CHMP1B: variants seen among roughly 807,000 people sequenced by gnomAD.
The protein encoded by CHMP1B is VPS46 homolog B.
CHMP1B carries 5 observed loss-of-function variants against 11.5 expected under a neutral mutation model. The ratio of observed to expected loss-of-function variants is 0.43; its 90% CI spans 0.23 to 0.91. The LOEUF (loss-of-function observed/expected upper bound fraction) is 0.91. Ranked by LOEUF, CHMP1B falls within the 40% of genes least tolerant of loss-of-function variation. The pLI is 0.25. For missense variants in CHMP1B, 246 were observed against 261.2 expected, an observed-to-expected ratio of 0.94 and a Z score of 0.40; for synonymous variants, 105 against 105.7, an observed-to-expected ratio of 0.99 and a Z score of 0.04.
In CHMP1B at chr18:11,851,586, C is replaced by T. The variant is rs749131244; in HGVS notation, c.75C>T (p.Cys25=). The change falls in exon 1 of 1, where the codon TGC becomes TGT. Residue 25 remains cysteine, a synonymous_variant. Transcript: ENST00000526991. The stretch of plus-strand genomic sequence containing the variant: ...AACTGAGTAGGAGTGCCAAAAAATG[C>T]GATAAGGAGGAAAAGGCCGAAAAGG... ...AKELSRSAKK[C]DKEEKAEKAK... is the part of the protein sequence containing the mutation. 1.2e-6 allele frequency: 2 copies of T among 1,612,582 alleles called. No individual in the cohort carries two copies. Among genetic ancestry groups the T allele is most frequent in the Non-Finnish European group, 1.7e-6 (2 of 1,179,406 alleles).
rs542645541 is a variant in CHMP1B, at chr18:11,853,411, T to C, written c.*1300T>C. The C allele has an allele frequency of 4.2e-5, 7 of 167,232 alleles. No individual in the cohort carries two copies. The highest frequency in any genetic ancestry group is 1.7e-4 in the African/African-American group (7 of 41,598). 10.4% of individuals were successfully genotyped at this position (167,232 alleles called of 1,614,324 possible). A position where few individuals can be genotyped will look rare whatever the true frequency, so the allele number is the denominator to read the frequency against. ...ACCGCTTTCTCATAGCCTCGAAACA[T>C]GGAGAAAAGCAACTTGCTTTTGCCT... On this transcript the variant is annotated 3_prime_UTR_variant, in exon 1 of 1. Coordinates refer to ENST00000526991, the MANE Select transcript of CHMP1B (RefSeq NM_020412.5).
chr18:11,851,507 C>G lies in CHMP1B; in HGVS notation c.-5C>G, dbSNP rs764172318. 6.4e-7 allele frequency: 1 copy of G among 1,555,822 alleles called. No homozygotes were observed. The highest frequency in any genetic ancestry group is 8.7e-7 in the Non-Finnish European group (1 of 1,154,702). On this transcript the variant is annotated 5_prime_UTR_variant, in exon 1 of 1. Transcript: ENST00000526991. ...GGGCCGCCGACCCAAAGGAGCCGTCCGACTATGTCTAACATGGAGAAACAC... is the reference window on the plus strand; with the variant it reads ...GGGCCGCCGACCCAAAGGAGCCGTCGGACTATGTCTAACATGGAGAAACAC...
rs568091493 is a variant in CHMP1B at position 11,851,742 on chromosome 18, C to T, written c.231C>T (p.Ala77=). 1.5e-5 allele frequency: 24 copies of T among 1,613,984 alleles called. No individual in the cohort carries two copies. The South Asian group carries it at 2.3e-4, about 16-fold the overall frequency. The change falls in exon 1 of 1, where the codon GCC becomes GCT. Residue 77 remains alanine (A), a synonymous_variant. Transcript: ENST00000526991. ...GTGCGCGAGTCGATGCAGTGGCTGC[C>T]AGGGTCCAGACGGCGGTGACGATGG... ...RMSARVDAVA[A]RVQTAVTMGK...
rs752990960 is a variant in CHMP1B, at chr18:11,852,102, T to C, written c.591T>C (p.Asp197=). 15 of 1,599,990 alleles carry C rather than the reference T, an allele frequency of 9.4e-6. No individual in the cohort carries two copies. In the East Asian group the frequency reaches 3.2e-4, roughly 34 times the overall value. The change falls in exon 1 of 1, where the codon GAT becomes GAC. Residue 197 remains aspartate (D), a synonymous_variant. Transcript: ENST00000526991. The stretch of plus-strand genomic sequence containing the variant: ...CTCAGAGACTGGCCCGCCTTCGGGA[T>C]CAAGTGTGACGGCAGAACCCGCTCT... ...ELSQRLARLR[D]QV is the part of the protein sequence containing the mutation.
At position 11,853,632 on chromosome 18, in the gene CHMP1B, AGT is replaced by A. The variant is rs2035934220; in HGVS notation, c.*1524_*1525del. On this transcript the variant is annotated 3_prime_UTR_variant, in exon 1 of 1. Coordinates refer to ENST00000526991, the MANE Select transcript of CHMP1B (RefSeq NM_020412.5). ...AGTGTAAATGAGTAAGGAAAAAAAA[AGT>A]GTAACAGGTGCGTGCAGATGAGGAG... 1 of 167,092 alleles carries A rather than the reference AGT, an allele frequency of 6.0e-6. No homozygotes were observed. The highest frequency in any genetic ancestry group is 2.1e-4 in the South Asian group (1 of 4,836). 10.4% of individuals were successfully genotyped at this position (167,092 alleles called of 1,614,324 possible).
At position 11,854,281 on chromosome 18, in the gene CHMP1B, T is replaced by A. The variant is rs1246134122; in HGVS notation, c.*2170T>A. On this transcript the variant is annotated 3_prime_UTR_variant, in exon 1 of 1. Coordinates refer to ENST00000526991, the MANE Select transcript of CHMP1B (RefSeq NM_020412.5). ...ACAATGCTTGTATATGCTTGAACTT[T>A]CTTAAAATATGTCCATGTCATACTA... The A allele has an allele frequency of 6.0e-6, 1 of 167,168 alleles. No individual in the cohort carries two copies. The highest frequency in any genetic ancestry group is 2.4e-5 in the African/African-American group (1 of 41,482). 10.4% of individuals were successfully genotyped at this position (167,168 alleles called of 1,614,324 possible).
rs1374126927 is a variant in CHMP1B, at chr18:11,851,625, G to T, written c.114G>T (p.Lys38Asn). 6.2e-7 allele frequency: 1 copy of T among 1,613,964 alleles called. No individual in the cohort carries two copies. Among genetic ancestry groups the T allele is most frequent in the Admixed American group, 1.7e-5 (1 of 60,010 alleles). ...AGGCCGAAAAGGCCAAAATTAAAAA[G>T]GCCATTCAGAAGGGCAACATGGAAG... ...EEKAEKAKIKKAIQKGNMEVA... is the reference protein window; with the variant it reads ...EEKAEKAKIKNAIQKGNMEVA... Residue 38 changes from lysine (K) to asparagine (N), a missense_variant, in exon 1 of 1, where the codon AAG becomes AAT. Physicochemically the swap from Lys to Asn is moderately conservative, Grantham distance 94 (BLOSUM62 0). Transcript: ENST00000526991.
Position 11,852,137 on chromosome 18 carries a change from T to C in CHMP1B, c.*26T>C. 1.9e-6 allele frequency: 3 copies of C among 1,548,624 alleles called. No homozygotes were observed. Among genetic ancestry groups the C allele is most frequent in the Non-Finnish European group, 2.6e-6 (3 of 1,146,162 alleles). On this transcript the variant is annotated 3_prime_UTR_variant, in exon 1 of 1. Coordinates refer to ENST00000526991, the MANE Select transcript of CHMP1B (RefSeq NM_020412.5). ...CGGCAGAACCCGCTCTGAGGTTTCC[T>C]GGCCATAGCCACCCTTTGAAATGCT...
In CHMP1B at chr18:11,851,625, G is replaced by A; in HGVS notation, c.114G>A (p.Lys38=). ...AGGCCGAAAAGGCCAAAATTAAAAA[G>A]GCCATTCAGAAGGGCAACATGGAAG... is the stretch of plus-strand genomic sequence containing the variant. ...EEKAEKAKIK[K]AIQKGNMEVA... is the part of the protein sequence containing the mutation. The change falls in exon 1 of 1, where the codon AAG becomes AAA. Residue 38 remains lysine (K), a synonymous_variant. Coordinates refer to ENST00000526991, the MANE Select transcript of CHMP1B (RefSeq NM_020412.5). 6.2e-7 allele frequency: 1 copy of A among 1,613,964 alleles called. No homozygotes were observed. Among genetic ancestry groups the A allele is most frequent in the Non-Finnish European group, 8.5e-7 (1 of 1,179,862 alleles).
chr18:11,852,271 T>A lies in CHMP1B; in HGVS notation c.*160T>A. The A allele has an allele frequency of 2.4e-6, 2 of 839,164 alleles. No homozygotes were observed. The highest frequency in any genetic ancestry group is 3.7e-6 in the Non-Finnish European group (2 of 546,484). 52.0% of individuals were successfully genotyped at this position (839,164 alleles called of 1,614,324 possible). On this transcript the variant is annotated 3_prime_UTR_variant, in exon 1 of 1. Coordinates refer to ENST00000526991, the MANE Select transcript of CHMP1B (RefSeq NM_020412.5). ...GCCCCCTCCACATAAATTAAGAAAT[T>A]CAGTATTTCTGCACTCTTAGCTGGA... is the stretch of plus-strand genomic sequence containing the variant.
chr18:11,852,313 A>G lies in CHMP1B; in HGVS notation c.*202A>G, dbSNP rs1177569248. The G allele has an allele frequency of 1.7e-6, 1 of 602,186 alleles. No homozygotes were observed. The allele number at this position is 602,186 out of a possible 1,614,324, so 37.3% of individuals were successfully genotyped here. On this transcript the variant is annotated 3_prime_UTR_variant, in exon 1 of 1. Coordinates refer to ENST00000526991, the MANE Select transcript of CHMP1B (RefSeq NM_020412.5). ...TTAGCTGGATTCTAAAGTTCTGTATAGCTCGTAATGATGGTATTTTTATAG... is the reference window on the plus strand; with the variant it reads ...TTAGCTGGATTCTAAAGTTCTGTATGGCTCGTAATGATGGTATTTTTATAG...
At position 11,851,426 on chromosome 18, in the gene CHMP1B, C is replaced by A. The variant is rs569502716; in HGVS notation, c.-86C>A. On this transcript the variant is annotated 5_prime_UTR_variant, in exon 1 of 1. Coordinates refer to ENST00000526991, the MANE Select transcript of CHMP1B (RefSeq NM_020412.5). ...AGGAAGTGGGACCAAAACAAAGGAG[C>A]GGCGGCCGGGAGCGGACTTACCTTA... 12 of 1,415,390 alleles carry A rather than the reference C, an allele frequency of 8.5e-6. No homozygotes were observed. In the African/African-American group the frequency reaches 1.4e-4, roughly 17 times the overall value. 87.7% of individuals were successfully genotyped at this position (1,415,390 alleles called of 1,614,324 possible).
chr18:11,852,401 A>C lies in CHMP1B; in HGVS notation c.*290A>C, dbSNP rs1293046408. On this transcript the variant is annotated 3_prime_UTR_variant, in exon 1 of 1. Coordinates refer to ENST00000526991, the MANE Select transcript of CHMP1B (RefSeq NM_020412.5). ...AATCTTTCTCGAAGATCTGGTCAAA[A>C]CTGTATTCAGTTTCCTGCCCAGAAT... 2 of 362,968 alleles carry C rather than the reference A, an allele frequency of 5.5e-6. No individual in the cohort carries two copies. The highest frequency in any genetic ancestry group is 1.1e-4 in the East Asian group (2 of 18,454). 22.5% of individuals were successfully genotyped at this position (362,968 alleles called of 1,614,324 possible).
At position 11,852,140 on chromosome 18, in the gene CHMP1B, C is replaced by A; in HGVS notation, c.*29C>A. 3.9e-6 allele frequency: 6 copies of A among 1,538,872 alleles called. No homozygotes were observed. Among genetic ancestry groups the A allele is most frequent in the Non-Finnish European group, 5.3e-6 (6 of 1,141,272 alleles). On this transcript the variant is annotated 3_prime_UTR_variant, in exon 1 of 1. Coordinates refer to ENST00000526991, the MANE Select transcript of CHMP1B (RefSeq NM_020412.5). Reference sequence around the variant, plus strand: ...CAGAACCCGCTCTGAGGTTTCCTGGCCATAGCCACCCTTTGAAATGCTCTC... The same window carrying A: ...CAGAACCCGCTCTGAGGTTTCCTGGACATAGCCACCCTTTGAAATGCTCTC...
rs1231836821 is a variant in CHMP1B, at chr18:11,851,420, A to G, written c.-92A>G. 1.4e-6 allele frequency: 2 copies of G among 1,409,132 alleles called. No homozygotes were observed. Among genetic ancestry groups the G allele is most frequent in the African/African-American group, 1.4e-5 (1 of 69,174 alleles). 87.3% of individuals were successfully genotyped at this position (1,409,132 alleles called of 1,614,324 possible). On this transcript the variant is annotated 5_prime_UTR_variant, in exon 1 of 1. Transcript: ENST00000526991. ...AGAAACAGGAAGTGGGACCAAAACA[A>G]AGGAGCGGCGGCCGGGAGCGGACTT... is the stretch of plus-strand genomic sequence containing the variant.
At position 11,852,077 on chromosome 18, in the gene CHMP1B, C is replaced by G; in HGVS notation, c.566C>G (p.Ser189Cys). 1 of 1,610,790 alleles carries G rather than the reference C, an allele frequency of 6.2e-7. No homozygotes were observed. The highest frequency in any genetic ancestry group is 8.5e-7 in the Non-Finnish European group (1 of 1,178,422). ...SVASAEQDEL[S>C]QRLARLRDQV ...GCTTCGGCGGAGCAGGATGAACTGTCTCAGAGACTGGCCCGCCTTCGGGAT... is the reference window on the plus strand; with the variant it reads ...GCTTCGGCGGAGCAGGATGAACTGTGTCAGAGACTGGCCCGCCTTCGGGAT... The change falls in exon 1 of 1, where the codon TCT (serine) becomes TGT (cysteine). Residue 189 changes from serine (S) to cysteine (C), a missense_variant. Ser to Cys is a moderately radical substitution (Grantham distance 112). Transcript: ENST00000526991.
At position 11,853,308 on chromosome 18, in the gene CHMP1B, A is replaced by G. The variant is rs1182495690; in HGVS notation, c.*1197A>G. The G allele has an allele frequency of 4.2e-5, 7 of 167,142 alleles. No individual in the cohort carries two copies. The allele number at this position is 167,142 out of a possible 1,614,324, so 10.4% of individuals were successfully genotyped here. ...GGAGAAAGCTTGAGTCTTTAAGGCT[A>G]GAGCCCAGCTGTGCTGCCTGCCATC... is the stretch of plus-strand genomic sequence containing the variant. On this transcript the variant is annotated 3_prime_UTR_variant, in exon 1 of 1. Coordinates refer to ENST00000526991, the MANE Select transcript of CHMP1B (RefSeq NM_020412.5).
chr18:11,853,067 T>G lies in CHMP1B; in HGVS notation c.*956T>G, dbSNP rs913684484. ...TGAGAAAACCCTAGGACTGTGTGTGTGTAGGTTTTGTTTTGATTTTAACAA... is the reference window on the plus strand; with the variant it reads ...TGAGAAAACCCTAGGACTGTGTGTGGGTAGGTTTTGTTTTGATTTTAACAA... On this transcript the variant is annotated 3_prime_UTR_variant, in exon 1 of 1. Coordinates refer to ENST00000526991, the MANE Select transcript of CHMP1B (RefSeq NM_020412.5). 1 of 167,126 alleles carries G rather than the reference T, an allele frequency of 6.0e-6. No individual in the cohort carries two copies. Among genetic ancestry groups the G allele is most frequent in the African/African-American group, 2.4e-5 (1 of 41,464 alleles). The allele number at this position is 167,126 out of a possible 1,614,324, so 10.4% of individuals were successfully genotyped here. A position where few individuals can be genotyped will look rare whatever the true frequency, so the allele number is the denominator to read the frequency against.
rs775421267 is a variant in CHMP1B, at chr18:11,851,503, C to T, written c.-9C>T. ...AGCCGGGCCGCCGACCCAAAGGAGC[C>T]GTCCGACTATGTCTAACATGGAGAA... On this transcript the variant is annotated 5_prime_UTR_variant, in exon 1 of 1. Coordinates refer to ENST00000526991, the MANE Select transcript of CHMP1B (RefSeq NM_020412.5). 2.6e-6 allele frequency: 4 copies of T among 1,548,220 alleles called. No homozygotes were observed. Among genetic ancestry groups the T allele is most frequent in the Non-Finnish European group, 3.5e-6 (4 of 1,151,262 alleles).
Sources: gnomAD v4.1 joint callset for allele counts on GRCh38, gnomAD v4.1.1 for gene constraint, MANE v1.5 for transcripts, NCBI Gene and HGNC (gene_info 2026-07-23, HGNC 2026-07-21) for gene names.